COL4A2: variants seen among roughly 807,000 people sequenced by gnomAD.
COL4A2 encodes collagen type IV alpha 2 chain.
COL4A2 carries 99 observed loss-of-function variants against 200.2 expected under a neutral mutation model. The ratio of observed to expected loss-of-function variants is 0.49; its 90% CI spans 0.42 to 0.58. The LOEUF (loss-of-function observed/expected upper bound fraction) is 0.58. COL4A2 is among the 20% of genes least tolerant of loss of function. The pLI is 0.00. For synonymous variants in COL4A2, 897 were observed against 900.6 expected (o/e 1.00, Z 0.07); for missense variants, 1,950 against 2,314.1 (o/e 0.84, Z 3.23).
intron 3 of COL4A2, among the ~76,000 whole-genome samples, chr13:110,332,957 C>G (rs535224814): frequency 1.3e-5 from 2 of 152,340 alleles, no homozygotes; most frequent in South Asian, 4.1e-4. Flanking sequence ...ATCTCTGAGT[C>G]AGCAAGAAGT....
intron 45 of COL4A2, 70 bp downstream of exon 45, chr13:110,504,334 C>A: frequency 7.6e-7 from 1 of 1,320,020 alleles, no homozygotes; most frequent in Non-Finnish European, 1.1e-6. Flanking sequence ...CTGTGGTCTG[C>A]AGGAAGGGGA....
chr13:110,330,112 G>C (rs185235626), intron 3 of COL4A2, among the ~76,000 whole-genome samples: 15 of 152,338 alleles, frequency 9.8e-5, no homozygotes, highest in African/African-American at 2.6e-4. Context: ...CGGAGAATGA[G>C]TTTTACCATT....
At position 110,307,729 on chromosome 13, in the gene COL4A2, A is replaced by C; in HGVS notation, c.-44-131A>C. 1.2e-6 allele frequency: 1 copy of C among 801,994 alleles called. No individual in the cohort carries two copies. Among genetic ancestry groups the C allele is most frequent in the East Asian group, 2.8e-5 (1 of 35,592 alleles). 49.7% of individuals were successfully genotyped at this position (801,994 alleles called of 1,614,324 possible). On this transcript the variant is annotated intron_variant, in intron 1 of 47. Coordinates refer to ENST00000360467, the MANE Select transcript of COL4A2 (RefSeq NM_001846.4). This position sits in a 1 kb window ranked among gnomAD's most constrained non-coding sequence, Gnocchi z 5.0. ...TCCTTCTTTCCGGGTCGTGGGGGGG[A>C]CGGCCCTCCGGTCACCCCTGCATGC...
intron 4 of COL4A2, among the ~76,000 whole-genome samples, chr13:110,358,360 C>T (rs1022907549): frequency 1.3e-5 from 2 of 152,196 alleles, no homozygotes; most frequent in Non-Finnish European, 2.9e-5. Flanking sequence ...CGCATGGAGC[C>T]GTCATCCCCT....
chr13:110,472,256 CAGGCAT>C (rs1233310958), intron 28 of COL4A2, among the ~76,000 whole-genome samples: 1 of 152,042 alleles, frequency 6.6e-6, no homozygotes. Context: ...GCTGGGACTA[CAGGCAT>C]CCGCCACCAC....
intron 4 of COL4A2, among the ~76,000 whole-genome samples, chr13:110,382,795 A>G (rs1036026806): frequency 6.6e-6 from 1 of 152,350 alleles, no homozygotes; most frequent in Non-Finnish European, 1.5e-5. Context: ...CATTTTAAGA[A>G]AGTCAAAAAT....
At chr13:110,385,508 T>C (rs1878668479) in intron 4 of COL4A2, among the ~76,000 whole-genome samples, 1 of 148,936 alleles carries the variant, frequency 6.7e-6, no homozygotes, top group Non-Finnish European at 1.5e-5. Flanking sequence ...TTACAGTGTG[T>C]GGATAGGCCG....
At chr13:110,380,875 C>CTCACACCCACGAGCTCTATG (rs1190796418) in intron 4 of COL4A2, among the ~76,000 whole-genome samples, 11 of 140,678 alleles carry the variant, frequency 7.8e-5, no homozygotes, top group African/African-American at 2.9e-4. Context: ...CGGGCTCTGT[C>CTCACACCCACGAGCTCTATG]TCACACCCAC....
Position 110,463,658 on chromosome 13 carries a change from G to A in COL4A2, c.1776+1274G>A, listed in dbSNP as rs113434127. 6.6e-5 allele frequency among the ~76,000 whole-genome samples: 10 copies of A among 152,168 alleles called. No individual in the cohort carries two copies. In the East Asian group the frequency reaches 7.7e-4, roughly 12 times the overall value. On this transcript the variant is annotated intron_variant, in intron 24 of 47. Transcript: ENST00000360467. Reference sequence around the variant, plus strand: ...AGCCATCCTCCTGCCTCAACCTCCCGAGTACCTGGGACCACAGGTGCACAC... The same window carrying A: ...AGCCATCCTCCTGCCTCAACCTCCCAAGTACCTGGGACCACAGGTGCACAC...
chr13:110,504,118 C>T (rs937696652), intron 44 of COL4A2, 30 bp from the exon 45 acceptor site: 6 of 1,608,404 alleles, frequency 3.7e-6, no homozygotes, highest in Admixed American at 3.3e-5. Context: ...GGTCAGTTTC[C>T]AGCCATAACG....
intron 41 of COL4A2, chr13:110,502,828 G>C: frequency 6.0e-6 from 2 of 331,354 alleles, no homozygotes; most frequent in Non-Finnish European, 1.1e-5. Context: ...GGGACACGGG[G>C]AGTGCGTGTA....
At chr13:110,504,096 C>T (rs1483993396) in intron 44 of COL4A2, 52 bp from the exon 45 acceptor site, 14 of 1,592,728 alleles carry the variant, frequency 8.8e-6, no homozygotes, top group South Asian at 1.1e-5. Context: ...GATCGCCGGC[C>T]GTGCCAGGCG....
intron 15 of COL4A2, 56 bp from the exon 16 acceptor site, chr13:110,439,733 T>C: frequency 6.2e-7 from 1 of 1,612,764 alleles, no homozygotes. Context: ...TCAAGCCCTC[T>C]GGAAATGTCT....
intron 28 of COL4A2, 72 bp downstream of exon 28, chr13:110,469,396 A>G (rs1440674635): frequency 7.0e-7 from 1 of 1,430,036 alleles, no homozygotes; most frequent in South Asian, 1.3e-5. Context: ...ATAAGCATCC[A>G]GCTCTATTAT....
intron 4 of COL4A2, among the ~76,000 whole-genome samples, chr13:110,378,171 T>C (rs1251049297): frequency 6.6e-6 from 1 of 152,228 alleles, no homozygotes; most frequent in Non-Finnish European, 1.5e-5. Context: ...GTTTTCTGCT[T>C]TCTTGGCTAA....
At chr13:110,370,367 A>G (rs1274087993) in intron 4 of COL4A2, among the ~76,000 whole-genome samples, 1 of 151,988 alleles carries the variant, frequency 6.6e-6, no homozygotes, top group African/African-American at 2.4e-5. Flanking sequence ...GGGTTCAAGC[A>G]ATTCTCCTGC....
rs371818766 is a variant in COL4A2, at chr13:110,370,999, A to T, written c.180+13447A>T. 1.4e-4 allele frequency among the ~76,000 whole-genome samples: 21 copies of T among 152,382 alleles called. No individual in the cohort carries two copies. The South Asian group carries it at 4.1e-3, about 30-fold the overall frequency. On this transcript the variant is annotated intron_variant, in intron 4 of 47. Coordinates refer to ENST00000360467, the MANE Select transcript of COL4A2 (RefSeq NM_001846.4). ...TGGAAATGAACTCCTTAATTCCAGA[A>T]GATTAAAAAGACTTCTTTAGTAGAA...
At chr13:110,357,049 C>A (rs1048730044) in intron 3 of COL4A2, among the ~76,000 whole-genome samples, 2 of 152,152 alleles carry the variant, frequency 1.3e-5, no homozygotes, top group Admixed American at 6.5e-5. Context: ...CAGGCGTGAG[C>A]GACCGCGCCC....
At chr13:110,438,757 G>A (rs1244396066) in intron 15 of COL4A2, 89 bp downstream of exon 15, 3 of 1,515,872 alleles carry the variant, frequency 2.0e-6, no homozygotes, top group South Asian at 1.1e-5. Context: ...CAGATTCACA[G>A]CAAAATTTAG....
Sources: allele counts gnomAD v4.1 joint callset (sites outside exome capture counted in the v4.1 genomes callset), GRCh38; gene constraint gnomAD v4.1.1; non-coding constraint Gnocchi (gnomAD v3.1); transcripts MANE v1.5; gene names NCBI Gene and HGNC (gene_info 2026-07-23, HGNC 2026-07-21).